The following NDUFAF6 variants were observed in gnomAD, a reference collection of about 807,000 sequenced individuals.
NDUFAF6 encodes the protein NADH dehydrogenase (ubiquinone) complex I, assembly factor 6.
NDUFAF6 carries 45 observed loss-of-function variants against 40.8 expected under a neutral mutation model. That is an observed-to-expected ratio of 1.10 (90% CI 0.87 to 1.42). The LOEUF (loss-of-function observed/expected upper bound fraction) is 1.42. Among genes scored for constraint, NDUFAF6 ranks in the 40% most tolerant of loss-of-function variants. The probability of loss-of-function intolerance (pLI) is 0.00; values close to 1 mark genes in which losing one functional copy is unlikely to be tolerated. For missense variants in NDUFAF6, 435 were observed against 418.5 expected, an observed-to-expected ratio of 1.04 and a Z score of -0.34; for synonymous variants, 185 against 155.9, an observed-to-expected ratio of 1.19 and a Z score of -1.39.
chr8:95,025,315 C>A, intron 1 of NDUFAF6, 110 bp downstream of exon 1: 1 of 1,134,818 alleles, frequency 8.8e-7, no homozygotes, highest in Non-Finnish European at 1.1e-6. Context: ...GCGCCTTCCT[C>A]GTGCCCCTCT....
At chr8:95,037,386 A>C (rs1829627546) in intron 3 of NDUFAF6, among the ~76,000 whole-genome samples, 1 of 152,184 alleles carries the variant, frequency 6.6e-6, no homozygotes, top group Non-Finnish European at 1.5e-5. Context: ...TCATTTATTA[A>C]ATATTTATTT....
At chr8:94,935,697 C>A (rs1431749671) in intron 1 of NDUFAF6, among the ~76,000 whole-genome samples, 4 of 152,136 alleles carry the variant, frequency 2.6e-5, no homozygotes, top group Admixed American at 2.0e-4. Context: ...ACTGTGGTAT[C>A]AAGATCTATT....
upstream of NDUFAF6, among the ~76,000 whole-genome samples, chr8:94,956,642 A>T (rs1255950012): frequency 1.3e-5 from 2 of 152,102 alleles, no homozygotes; most frequent in East Asian, 3.9e-4. Flanking sequence ...TGTAGGAAAC[A>T]CTCGTAGTGG....
intron 1 of NDUFAF6, among the ~76,000 whole-genome samples, chr8:94,941,488 C>CT (rs1453206675): frequency 2.0e-5 from 3 of 152,210 alleles, no homozygotes; most frequent in African/African-American, 7.2e-5. Flanking sequence ...ACCATTATGC[C>CT]AGGCCCTCAT....
chr8:95,036,366 C>T (rs1379043897), intron 3 of NDUFAF6: 1 of 1,289,410 alleles, frequency 7.8e-7, no homozygotes, highest in Non-Finnish European at 1.0e-6. Context: ...TACACCTCTT[C>T]TCAGGTCTGC....
chr8:94,932,379 A>G (rs1356681065), intron 1 of NDUFAF6, among the ~76,000 whole-genome samples: 2 of 152,240 alleles, frequency 1.3e-5, no homozygotes, highest in Non-Finnish European at 2.9e-5. Context: ...GATAGACACA[A>G]TGGAAGCAAT....
In NDUFAF6 at chr8:94,992,699, C is replaced by G. The variant is rs951634186; in HGVS notation, c.-84+11726C>G. Among the ~76,000 whole-genome samples the G allele has an allele frequency of 3.9e-5, 6 of 152,270 alleles. No homozygotes were observed. In the East Asian group the frequency reaches 5.8e-4, roughly 15 times the overall value. Reference sequence around the variant, plus strand: ...TCAGTTTCTGTCCTCCTTGAGATATCTAAAGATCTATTCCCAAGATCCTCT... The same window carrying G: ...TCAGTTTCTGTCCTCCTTGAGATATGTAAAGATCTATTCCCAAGATCCTCT... On this transcript the variant is annotated intron_variant, in intron 2 of 9. Coordinates refer to the NDUFAF6 transcript ENST00000396111.
chr8:94,973,856 A>G (rs1315513152), intron 1 of NDUFAF6, among the ~76,000 whole-genome samples: 1 of 88,918 alleles, frequency 1.1e-5, no homozygotes, highest in East Asian at 2.4e-4. Context: ...CCCTGTCTCT[A>G]AAAAAAAAAA....
intron 2 of NDUFAF6, among the ~76,000 whole-genome samples, chr8:94,990,460 G>A (rs1826142820): frequency 6.6e-6 from 1 of 152,050 alleles, no homozygotes; most frequent in Non-Finnish European, 1.5e-5. Flanking sequence ...AATTCTAGGG[G>A]AGAACACTCC....
chr8:95,040,910 C>A (rs1830077151), intron 3 of NDUFAF6: 2 of 152,254 alleles, frequency 1.3e-5, no homozygotes, highest in South Asian at 4.1e-4. Context: ...GTAGTAGAGA[C>A]AAGTGTCTGG....
intron 7 of NDUFAF6, among the ~76,000 whole-genome samples, chr8:95,048,859 A>G (rs901428827): frequency 6.6e-6 from 1 of 152,058 alleles, no homozygotes; most frequent in African/African-American, 2.4e-5. Flanking sequence ...TCTGCCTTCC[A>G]AGGCTGATGC....
chr8:95,109,346 C>T (rs1003220348), intron 4 of NDUFAF6, among the ~76,000 whole-genome samples: 4 of 152,300 alleles, frequency 2.6e-5, no homozygotes, highest in African/African-American at 7.2e-5. Flanking sequence ...TGGATTTGTG[C>T]TGCCAACAGA....
At chr8:95,017,839 CAT>C (rs1827528666) in intron 2 of NDUFAF6, among the ~76,000 whole-genome samples, 1 of 152,176 alleles carries the variant, frequency 6.6e-6, no homozygotes, top group South Asian at 2.1e-4. Context: ...CTTCTGCAAT[CAT>C]GTGCACTTGG....
rs763178410 is a variant in NDUFAF6 at position 95,052,229 on chromosome 8, C to T, written c.872C>T (p.Thr291Met). 1.4e-5 allele frequency: 22 copies of T among 1,613,610 alleles called. No individual in the cohort carries two copies. The highest frequency in any genetic ancestry group is 1.6e-4 in the Middle Eastern group (1 of 6,082). ...AAAGCATTTCCTGCTTTTCTTCAGA[C>T]GGTAAGTAGATTAACAGAGAAGGCT... ...PVKAFPAFLQ[T>M]VSLEDFLKKI... The change falls in exon 8 of 9, where the codon ACG becomes ATG. Residue 291 changes from threonine to methionine, a missense_variant and splice_region_variant. Physicochemically the swap from Thr to Met is moderately conservative, Grantham distance 81. Transcript: ENST00000396124.
In NDUFAF6 at chr8:94,985,531, T is replaced by A. The variant is rs1372220825; in HGVS notation, c.-84+4558T>A. 6.3e-4 allele frequency among the ~76,000 whole-genome samples: 39 copies of A among 61,802 alleles called. 1 individual carries two copies. Among genetic ancestry groups the A allele is most frequent in the Non-Finnish European group, 9.8e-4 (31 of 31,484 alleles). 40.5% of individuals were successfully genotyped at this position (61,802 alleles called of 152,430 possible). On this transcript the variant is annotated intron_variant, in intron 2 of 9. Transcript: ENST00000396111. ...TATATATATATTTTTTTTTTTTTTT[T>A]TTTTTTTTTTTTTTTTTTTTCTGAG...
intron 2 of NDUFAF6, among the ~76,000 whole-genome samples, chr8:94,987,509 C>CA (rs34636042): frequency 0.44 from 67,381 of 152,064 alleles, 15,446 homozygotes; most frequent in East Asian, 0.7. Flanking sequence ...CCAGCCACAA[C>CA]AGAGCATTAC....
intron 2 of NDUFAF6, among the ~76,000 whole-genome samples, chr8:95,010,064 T>A (rs1348318578): frequency 6.6e-6 from 1 of 152,132 alleles, no homozygotes; most frequent in African/African-American, 2.4e-5. Context: ...GATGCTGCTT[T>A]TCTGAAAACA....
At position 95,064,091 on chromosome 8, in the gene NDUFAF6, C is replaced by T. The variant is rs559159962; in HGVS notation, c.*512-11542C>T. On this transcript the variant is annotated intron_variant and NMD_transcript_variant, in intron 9 of 9. Transcript: ENST00000520757. ...ATTTTTACTAGAGACAGGGTTTCAC[C>T]GTGTTAGCCAGGATGGTCTCGATCT... 8.9e-5 allele frequency among the ~76,000 whole-genome samples: 13 copies of T among 145,880 alleles called. No homozygotes were observed. In the East Asian group the frequency reaches 2.4e-3, roughly 27 times the overall value.
At chr8:94,985,827 C>T (rs140198668) in intron 2 of NDUFAF6, among the ~76,000 whole-genome samples, 2,251 of 150,718 alleles carry the variant, frequency 0.015, 67 homozygotes, top group African/African-American at 0.049. Context: ...AGCCTCCATG[C>T]CCTGCAACAA....
Sources: allele counts gnomAD v4.1 joint callset (sites outside exome capture counted in the v4.1 genomes callset), GRCh38; gene constraint gnomAD v4.1.1; transcripts MANE v1.5; gene names NCBI Gene and HGNC (gene_info 2026-07-23, HGNC 2026-07-21).